The following ACTN1 variants were observed in gnomAD, a reference collection of about 807,000 sequenced individuals.
The protein encoded by ACTN1 is actinin alpha 1, also known as alpha-actinin-1.
In ACTN1, 30 loss-of-function variants were observed where a neutral mutation model predicts 119.6. That is an observed-to-expected ratio of 0.25 (90% confidence interval 0.19 to 0.34). ACTN1 has a LOEUF of 0.34. ACTN1 is among the 10% of genes least tolerant of loss of function. The probability of loss-of-function intolerance (pLI) is 1.00; values close to 1 mark genes in which losing one functional copy is unlikely to be tolerated. For synonymous variants in ACTN1, 429 were observed against 472.6 expected (o/e 0.91, Z 1.20); for missense variants, 764 against 1,223.4 (o/e 0.62, Z 5.60).
In ACTN1 at chr14:68,916,160, A is replaced by C. The variant is rs564768990; in HGVS notation, c.341-3918T>G. On this transcript the variant is annotated intron_variant, in intron 3 of 21. Coordinates refer to ENST00000394419, the MANE Select transcript of ACTN1 (RefSeq NM_001130004.2). ...TTAAAATATAAGGGAAAAATTTTTT[A>C]AGCCTAGAAAAAAGCTCTGAGTGGT... Among the ~76,000 whole-genome samples the C allele has an allele frequency of 2.6e-5, 4 of 152,334 alleles. No individual in the cohort carries two copies. The South Asian group carries it at 8.3e-4, about 32-fold the overall frequency.
rs1278058498 is a variant in ACTN1, at chr14:68,882,625, TGGGTCA to T, written c.1819-39_1819-34del. 4 of 1,612,924 alleles carry T rather than the reference TGGGTCA, an allele frequency of 2.5e-6. No individual in the cohort carries two copies. ...AGGAACAACAAGGCGACTTTCAGGA[TGGGTCA>T]GCCATCTGTCCATGTGCCAGATGAG... On this transcript the variant is annotated intron_variant, in intron 15 of 21. Transcript: ENST00000394419. This position sits in a 1 kb window ranked among gnomAD's most constrained non-coding sequence, Gnocchi z 4.5.
At chr14:68,888,772 T>C (rs540435008) in intron 11 of ACTN1, among the ~76,000 whole-genome samples, 17 of 152,282 alleles carry the variant, frequency 1.1e-4, no homozygotes, top group African/African-American at 4.1e-4. Context: ...GAACTGCGCA[T>C]GCGAGGGATC....
At chr14:68,951,022 G>T (rs140341514) in intron 1 of ACTN1, among the ~76,000 whole-genome samples, 1 of 152,346 alleles carries the variant, frequency 6.6e-6, no homozygotes, top group Non-Finnish European at 1.5e-5. Context: ...CAGCCTGCCT[G>T]CAGAAGGCCA....
intron 3 of ACTN1, among the ~76,000 whole-genome samples, chr14:68,913,852 C>G (rs1003146442): frequency 6.6e-6 from 1 of 152,192 alleles, no homozygotes; most frequent in Non-Finnish European, 1.5e-5. Context: ...CAGCATGCAA[C>G]CCCTTTTGCT....
intron 7 of ACTN1, 128 bp from the exon 8 acceptor site, chr14:68,902,690 AG>A: frequency 1.4e-6 from 1 of 737,284 alleles, no homozygotes; most frequent in Non-Finnish European, 2.3e-6. Context: ...GAATCTAACC[AG>A]CCTCTGGCGT....
Position 68,885,680 on chromosome 14 carries a change from T to A in ACTN1, c.1235-105A>T. ...CAGGAGCTCCACTTCTGGGGGTGCT[T>A]CTCAAGGAGGTGCCCATTGTGCAGG... On this transcript the variant is annotated intron_variant, in intron 11 of 21. Coordinates refer to ENST00000394419, the MANE Select transcript of ACTN1 (RefSeq NM_001130004.2). This position sits in a 1 kb window ranked among gnomAD's most constrained non-coding sequence, Gnocchi z 5.6. The A allele has an allele frequency of 7.5e-7, 1 of 1,342,122 alleles. No individual in the cohort carries two copies. The allele number at this position is 1,342,122 out of a possible 1,614,324, so 83.1% of individuals were successfully genotyped here.
chr14:68,945,158 C>T (rs1245226165), intron 1 of ACTN1, among the ~76,000 whole-genome samples: 2 of 71,444 alleles, frequency 2.8e-5, no homozygotes, highest in African/African-American at 1.5e-4. Context: ...AGTAAGACTC[C>T]GGTTCAAAAA....
At chr14:68,953,365 C>A (rs10151944) in intron 1 of ACTN1, among the ~76,000 whole-genome samples, 1 of 152,168 alleles carries the variant, frequency 6.6e-6, no homozygotes, top group Non-Finnish European at 1.5e-5. Flanking sequence ...CCATGTCCCC[C>A]ACTCCATGCC....
At chr14:68,917,986 T>C (rs971365249) in intron 3 of ACTN1, among the ~76,000 whole-genome samples, 3 of 152,180 alleles carry the variant, frequency 2.0e-5, no homozygotes, top group African/African-American at 7.2e-5. Flanking sequence ...TAAGAATCAC[T>C]TGAGCCTGGG....
At chr14:68,913,220 TA>T (rs2034105927) in intron 3 of ACTN1, among the ~76,000 whole-genome samples, 1 of 152,218 alleles carries the variant, frequency 6.6e-6, no homozygotes, top group African/African-American at 2.4e-5. Flanking sequence ...GAATACAACA[TA>T]AATAAGCCCT....
intron 3 of ACTN1, among the ~76,000 whole-genome samples, chr14:68,917,364 C>T (rs1313532635): frequency 6.6e-6 from 1 of 152,166 alleles, no homozygotes; most frequent in Admixed American, 6.5e-5. Context: ...TTCTGCCCTT[C>T]GGAGTCAGCC....
chr14:68,874,715 G>T lies in ACTN1; in HGVS notation c.*144C>A. The T allele has an allele frequency of 2.6e-6, 2 of 763,758 alleles. No homozygotes were observed. Among genetic ancestry groups the T allele is most frequent in the Non-Finnish European group, 3.7e-6 (2 of 534,142 alleles). The allele number at this position is 763,758 out of a possible 1,614,324, so 47.3% of individuals were successfully genotyped here. On this transcript the variant is annotated 3_prime_UTR_variant, in exon 22 of 22. Transcript: ENST00000394419. Reference sequence around the variant, plus strand: ...TAATTTTGTAAACTGTCACTTCGCGGGCAGGGAGGATCGATGCCACGTGGG... The same window carrying T: ...TAATTTTGTAAACTGTCACTTCGCGTGCAGGGAGGATCGATGCCACGTGGG...
At chr14:68,949,203 G>A (rs1566666162) in intron 1 of ACTN1, among the ~76,000 whole-genome samples, 1 of 152,220 alleles carries the variant, frequency 6.6e-6, no homozygotes, top group Non-Finnish European at 1.5e-5. Flanking sequence ...GCAGGGGTGG[G>A]GGAGGTCATA....
intron 2 of ACTN1, among the ~76,000 whole-genome samples, chr14:68,924,692 T>C (rs528391112): frequency 7.6e-4 from 116 of 152,236 alleles, no homozygotes; most frequent in Non-Finnish European, 1.4e-3. Flanking sequence ...TGTGGGATCA[T>C]CTAGGTGAGA....
At chr14:68,965,415 CAG>C (rs1254015211) in intron 1 of ACTN1, among the ~76,000 whole-genome samples, 1 of 152,242 alleles carries the variant, frequency 6.6e-6, no homozygotes, top group East Asian at 1.9e-4. Flanking sequence ...TGGCTCCAGC[CAG>C]TGTTTCAGAC....
intron 6 of ACTN1, among the ~76,000 whole-genome samples, chr14:68,907,119 A>G (rs2003746): frequency 0.14 from 21,616 of 150,930 alleles, 1,828 homozygotes; most frequent in South Asian, 0.25. Flanking sequence ...CTAAAAATAC[A>G]AAAATTAGCC....
intron 1 of ACTN1, chr14:68,978,648 C>A: frequency 3.4e-6 from 1 of 292,182 alleles, no homozygotes; most frequent in South Asian, 5.1e-5. Context: ...ACAGCCCACG[C>A]GGGGATGGTT....
Position 68,925,464 on chromosome 14 carries a change from A to T in ACTN1, c.220+94T>A. ...TGTCATCCCCAACTTGTTTCAAGAG[A>T]CCAAAACCAGCTGCGCTCATAGGCA... is the stretch of plus-strand genomic sequence containing the variant. On this transcript the variant is annotated intron_variant, in intron 2 of 21. Coordinates refer to ENST00000394419, the MANE Select transcript of ACTN1 (RefSeq NM_001130004.2). This position sits in a 1 kb window ranked among gnomAD's most constrained non-coding sequence, Gnocchi z 4.3. The T allele has an allele frequency of 1.0e-6, 1 of 990,900 alleles. No individual in the cohort carries two copies. 61.4% of individuals were successfully genotyped at this position (990,900 alleles called of 1,614,324 possible).
chr14:68,941,838 G>T (rs1397567624), intron 1 of ACTN1, among the ~76,000 whole-genome samples: 2 of 152,086 alleles, frequency 1.3e-5, no homozygotes. Context: ...CTTCATCTGG[G>T]CTAGCAGGAT....
Sources: allele counts gnomAD v4.1 joint callset (sites outside exome capture counted in the v4.1 genomes callset), GRCh38; gene constraint gnomAD v4.1.1; non-coding constraint Gnocchi (gnomAD v3.1); transcripts MANE v1.5; gene names NCBI Gene and HGNC (gene_info 2026-07-23, HGNC 2026-07-21).